The following NT5DC1 variants were observed in gnomAD, a reference collection of about 807,000 sequenced individuals.
The protein encoded by NT5DC1 is 5'-nucleotidase domain-containing protein 1.
In NT5DC1, 42 loss-of-function variants were observed where a neutral mutation model predicts 59.4. That is an observed-to-expected ratio of 0.71 (90% confidence interval 0.55 to 0.92). The LOEUF (loss-of-function observed/expected upper bound fraction) is 0.92. NT5DC1 is among the 40% of genes least tolerant of loss of function. NT5DC1 has a pLI of 0.00. For synonymous variants in NT5DC1, 172 were observed against 188.1 expected, an observed-to-expected ratio of 0.91 and a Z score of 0.70; for missense variants, 501 against 537.1, an observed-to-expected ratio of 0.93 and a Z score of 0.66.
intron 6 of NT5DC1, among the ~76,000 whole-genome samples, chr6:116,160,770 C>G (rs1015416403): frequency 4.6e-5 from 7 of 152,112 alleles, no homozygotes; most frequent in African/African-American, 1.7e-4. Context: ...TACATTGAAG[C>G]CTTTAATCTA....
chr6:116,227,656 C>A (rs909332874), intron 8 of NT5DC1, among the ~76,000 whole-genome samples: 8 of 151,610 alleles, frequency 5.3e-5, no homozygotes, highest in Non-Finnish European at 1.2e-4. Flanking sequence ...AACAGCCATT[C>A]TAATAGGTAT....
intron 6 of NT5DC1, among the ~76,000 whole-genome samples, chr6:116,201,692 A>G (rs1401531775): frequency 2.6e-5 from 4 of 151,972 alleles, no homozygotes; most frequent in Non-Finnish European, 5.9e-5. Context: ...ATATGTGGCC[A>G]CTTCTGACAT....
chr6:116,154,029 CT>C (rs34356532), intron 6 of NT5DC1, among the ~76,000 whole-genome samples: 25,241 of 122,182 alleles, frequency 0.21, 2,397 homozygotes, highest in Middle Eastern at 0.33. Flanking sequence ...GGGAAGATTT[CT>C]TTTTTTTTTT....
At chr6:116,141,384 A>G (rs1215387372) in intron 6 of NT5DC1, among the ~76,000 whole-genome samples, 1 of 151,900 alleles carries the variant, frequency 6.6e-6, no homozygotes, top group Non-Finnish European at 1.5e-5. Flanking sequence ...TCTCTAGGGC[A>G]TCTTATGTGT....
intron 8 of NT5DC1, among the ~76,000 whole-genome samples, chr6:116,234,052 C>T (rs1458618782): frequency 6.8e-6 from 1 of 147,768 alleles, no homozygotes; most frequent in Admixed American, 6.8e-5. Flanking sequence ...TCGCCACCTC[C>T]TGGGTTCAAG....
intron 1 of NT5DC1, among the ~76,000 whole-genome samples, chr6:116,105,283 C>T (rs770601777): frequency 1.3e-5 from 2 of 152,194 alleles, no homozygotes; most frequent in Non-Finnish European, 2.9e-5. Context: ...ACTGCTGCAT[C>T]TAAGTATCAG....
At chr6:116,154,674 G>T (rs1434582046) in intron 6 of NT5DC1, among the ~76,000 whole-genome samples, 1 of 152,036 alleles carries the variant, frequency 6.6e-6, no homozygotes. Context: ...AAAGGGAGAG[G>T]TTCTCCCTGA....
At chr6:116,132,360 A>G (rs1168724501) in intron 6 of NT5DC1, among the ~76,000 whole-genome samples, 1 of 152,054 alleles carries the variant, frequency 6.6e-6, no homozygotes, top group African/African-American at 2.4e-5. Flanking sequence ...TATAGCTTAG[A>G]CCATTTCTCT....
intron 6 of NT5DC1, among the ~76,000 whole-genome samples, chr6:116,144,390 A>G (rs930945571): frequency 2.0e-5 from 3 of 152,218 alleles, no homozygotes; most frequent in Admixed American, 6.5e-5. Flanking sequence ...AGTCCCAGCT[A>G]CTTGGGAGAC....
intron 1 of NT5DC1, among the ~76,000 whole-genome samples, chr6:116,104,830 T>C (rs1778738769): frequency 6.6e-6 from 1 of 152,100 alleles, no homozygotes; most frequent in Non-Finnish European, 1.5e-5. Context: ...CTCAGTGTAT[T>C]TTTTGTTGCT....
At chr6:116,242,261 G>A (rs1771753034) in intron 11 of NT5DC1, among the ~76,000 whole-genome samples, 1 of 151,608 alleles carries the variant, frequency 6.6e-6, no homozygotes, top group Admixed American at 6.6e-5. Context: ...GGAGGCTGAG[G>A]TAGGAGAATG....
chr6:116,161,775 TAATTTGATGGGAAG>T lies in NT5DC1; in HGVS notation c.529+43831_529+43844del, dbSNP rs200146381. On this transcript the variant is annotated intron_variant, in intron 6 of 11. Transcript: ENST00000319550. ...CTAATTCTGTGAAATATAACATTGG[TAATTTGATGGGAAG>T]TTGCATTGACTTTCTAGATTGCTTT... Among the ~76,000 whole-genome samples the T allele has an allele frequency of 1.3e-3, 195 of 152,330 alleles. 7 individuals are homozygous for T. In the East Asian group the frequency reaches 0.035, roughly 27 times the overall value.
chr6:116,143,264 G>A (rs2114371861), intron 6 of NT5DC1, among the ~76,000 whole-genome samples: 1 of 152,234 alleles, frequency 6.6e-6, no homozygotes, highest in South Asian at 2.1e-4. Context: ...AGACTGGAGT[G>A]CAGTGGCGCG....
At chr6:116,136,298 A>T (rs746195529) in intron 6 of NT5DC1, among the ~76,000 whole-genome samples, 8 of 151,908 alleles carry the variant, frequency 5.3e-5, no homozygotes, top group Non-Finnish European at 1.2e-4. Flanking sequence ...ATAATATTAC[A>T]TGTTGGTGTG....
At chr6:116,120,766 A>C in intron 6 of NT5DC1, 1 of 1,612,662 alleles carries the variant, frequency 6.2e-7, no homozygotes, top group South Asian at 1.1e-5. Flanking sequence ...TAGGGCCTCT[A>C]GTACCTGGTA....
At chr6:116,229,012 C>A (rs1781959061) in intron 8 of NT5DC1, among the ~76,000 whole-genome samples, 1 of 152,184 alleles carries the variant, frequency 6.6e-6, no homozygotes, top group Non-Finnish European at 1.5e-5. Context: ...TTCTATCTGT[C>A]TTCTAAAATC....
At chr6:116,112,712 G>A (rs1176829986) in intron 4 of NT5DC1, among the ~76,000 whole-genome samples, 1 of 152,074 alleles carries the variant, frequency 6.6e-6, no homozygotes, top group Non-Finnish European at 1.5e-5. Flanking sequence ...ACAAGCCTGT[G>A]GTGATGTTTT....
chr6:116,236,495 C>G (rs1407420792), intron 8 of NT5DC1, among the ~76,000 whole-genome samples: 2 of 152,208 alleles, frequency 1.3e-5, no homozygotes, highest in East Asian at 3.8e-4. Context: ...CAAGCTGGTA[C>G]TAGGGTAAAG....
intron 6 of NT5DC1, chr6:116,158,672 A>G (rs1055091685): frequency 3.3e-5 from 5 of 152,114 alleles, no homozygotes; most frequent in African/African-American, 1.2e-4. Flanking sequence ...AAAAGTCACT[A>G]CTTTGTCATC....
Sources: gnomAD v4.1 joint callset for allele counts (sites outside exome capture counted in the v4.1 genomes callset) on GRCh38, gnomAD v4.1.1 for gene constraint, MANE v1.5 for transcripts, NCBI Gene and HGNC (gene_info 2026-07-23, HGNC 2026-07-21) for gene names.